Variants in NUDT16 observed in about 807,000 individuals in gnomAD.
NUDT16 encodes nudix hydrolase 16.
A neutral mutation model predicts 11.7 loss-of-function variants in NUDT16; 12 were observed. The observed-to-expected ratio is 1.03, with a 90% CI of 0.66 to 1.67. The LOEUF is 1.67. Ranked by LOEUF, NUDT16 falls within the 40% of genes most tolerant of loss-of-function variation. The pLI, the probability that NUDT16 is intolerant of heterozygous loss-of-function variation, is 0.00. For synonymous variants in NUDT16, 129 were observed against 122.6 expected (o/e 1.05, Z -0.35); for missense variants, 303 against 268.9 (o/e 1.13, Z -0.89).
At position 131,383,681 on chromosome 3, in the gene NUDT16, C is replaced by A; in HGVS notation, c.*340C>A. 1 of 541,640 alleles carries A rather than the reference C, an allele frequency of 1.8e-6. No homozygotes were observed. Among genetic ancestry groups the A allele is most frequent in the Non-Finnish European group, 3.3e-6 (1 of 302,784 alleles). The allele number at this position is 541,640 out of a possible 1,614,324, so 33.6% of individuals were successfully genotyped here. ...TTCCCCTGGTCATGTCCAGTTTAAC[C>A]TTGAAGTGGCATTTGTCACACTACC... On this transcript the variant is annotated 3_prime_UTR_variant, in exon 3 of 3. Coordinates refer to ENST00000521288, the MANE Select transcript of NUDT16 (RefSeq NM_152395.3). The surrounding 1 kb of genome is among the most constrained non-coding windows in gnomAD (Gnocchi z 4.4).
chr3:131,382,512 T>C, intron 2 of NUDT16, 197 bp downstream of exon 2: 1 of 1,536,154 alleles, frequency 6.5e-7, no homozygotes, highest in Non-Finnish European at 8.7e-7. Flanking sequence ...TGTAAAGGTC[T>C]TTCCCACCCT....
intron 2 of NUDT16, chr3:131,382,535 A>C (rs1300782059): frequency 7.2e-6 from 11 of 1,535,958 alleles, no homozygotes; most frequent in Non-Finnish European, 9.6e-6. Flanking sequence ...ACCAGGAGAG[A>C]TCCTTTCTAG....
At chr3:131,381,984 G>A in intron 1 of NUDT16, 42 bp downstream of exon 1, 1 of 1,595,688 alleles carries the variant, frequency 6.3e-7, no homozygotes, top group South Asian at 1.1e-5. Flanking sequence ...CCTGAGCCCC[G>A]CACCCTCTCT....
Position 131,381,923 on chromosome 3 carries a change from C to T in NUDT16, c.119C>T (p.Pro40Leu), listed in dbSNP as rs1403621270. Residue 40 changes from proline to leucine, a missense_variant, in exon 1 of 3, where the codon CCG becomes CTG. By Grantham distance (98) the Pro-to-Leu change is moderately conservative. Transcript: ENST00000521288. ...CCTGGGATGCTCTTCGGCCGCATCC[C>T]GCTGCGCTACGCCATACTGGTGAGA... is the stretch of plus-strand genomic sequence containing the variant. Reference protein sequence around the residue: ...PDPGMLFGRIPLRYAILMQMR... With the variant: ...PDPGMLFGRILLRYAILMQMR... 2 of 1,611,762 alleles carry T rather than the reference C, an allele frequency of 1.2e-6. No homozygotes were observed. The highest frequency in any genetic ancestry group is 1.3e-5 in the African/African-American group (1 of 74,916).
At position 131,383,544 on chromosome 3, in the gene NUDT16, C is replaced by T; in HGVS notation, c.*203C>T. On this transcript the variant is annotated 3_prime_UTR_variant, in exon 3 of 3. Coordinates refer to ENST00000521288, the MANE Select transcript of NUDT16 (RefSeq NM_152395.3). This position sits in a 1 kb window ranked among gnomAD's most constrained non-coding sequence, Gnocchi z 4.4. ...AGGGGCAAAAAGTCACAGCTTATCC[C>T]AGGCACCCTGGCAGGTTCTCAGAGC... 3 of 1,254,966 alleles carry T rather than the reference C, an allele frequency of 2.4e-6. No individual in the cohort carries two copies. The South Asian group carries it at 4.5e-5, about 19-fold the overall frequency. The allele number at this position is 1,254,966 out of a possible 1,614,324, so 77.7% of individuals were successfully genotyped here.
rs921020951 is a variant in NUDT16, at chr3:131,382,588, G to A, written c.408+273G>A. On this transcript the variant is annotated intron_variant, in intron 2 of 2. Coordinates refer to ENST00000521288, the MANE Select transcript of NUDT16 (RefSeq NM_152395.3). ...CTCTCTGCTGTTCCCTATTGACAGTGTGATAGATTATCACATTATCTAGGT... is the reference window on the plus strand; with the variant it reads ...CTCTCTGCTGTTCCCTATTGACAGTATGATAGATTATCACATTATCTAGGT... 1.4e-5 allele frequency: 21 copies of A among 1,520,850 alleles called. No homozygotes were observed. In the African/African-American group the frequency reaches 2.2e-4, roughly 16 times the overall value. 94.2% of individuals were successfully genotyped at this position (1,520,850 alleles called of 1,614,324 possible). A position where few individuals can be genotyped will look rare whatever the true frequency, so the allele number is the denominator to read the frequency against.
chr3:131,382,768 G>A, intron 2 of NUDT16: 5 of 1,266,976 alleles, frequency 3.9e-6, no homozygotes, highest in Admixed American at 3.5e-5. Flanking sequence ...TTAAAATAGC[G>A]ATTTCTCTCA....
In NUDT16 at chr3:131,384,022, T is replaced by A. The variant is rs1388197858; in HGVS notation, c.*681T>A. 6.5e-6 allele frequency: 1 copy of A among 153,316 alleles called. No individual in the cohort carries two copies. The highest frequency in any genetic ancestry group is 2.4e-5 in the African/African-American group (1 of 41,444). The allele number at this position is 153,316 out of a possible 1,614,324, so 9.5% of individuals were successfully genotyped here. A position where few individuals can be genotyped will look rare whatever the true frequency, so the allele number is the denominator to read the frequency against. ...CCTGTGAGGACTGGTGTCTCTCCTCTAGAGCTTTCATCTTTGGGATGCCTG... is the reference window on the plus strand; with the variant it reads ...CCTGTGAGGACTGGTGTCTCTCCTCAAGAGCTTTCATCTTTGGGATGCCTG... On this transcript the variant is annotated 3_prime_UTR_variant, in exon 3 of 3. Transcript: ENST00000521288.
At position 131,381,783 on chromosome 3, in the gene NUDT16, A is replaced by G; in HGVS notation, c.-22A>G. ...CCTCTGCCCATTGGGCCTTCGGGAC[A>G]GCAGAGGAGCAGTGTCCGGCCATGG... On this transcript the variant is annotated 5_prime_UTR_variant, in exon 1 of 3. Transcript: ENST00000521288. 3.9e-6 allele frequency: 6 copies of G among 1,538,484 alleles called. No individual in the cohort carries two copies. Among genetic ancestry groups the G allele is most frequent in the Non-Finnish European group, 4.4e-6 (5 of 1,148,624 alleles).
Position 131,383,289 on chromosome 3 carries a change from G to A in NUDT16, c.536G>A (p.Gly179Glu). The A allele has an allele frequency of 6.2e-7, 1 of 1,614,182 alleles. No individual in the cohort carries two copies. Among genetic ancestry groups the A allele is most frequent in the Non-Finnish European group, 8.5e-7 (1 of 1,180,030 alleles). The change falls in exon 3 of 3, where the codon GGA (glycine) becomes GAA (glutamate). Residue 179 changes from glycine (G) to glutamate (E), a missense_variant. Transcript: ENST00000521288. The surrounding 1 kb of genome is among the most constrained non-coding windows in gnomAD (Gnocchi z 4.4). ...TTACTTGAAGCTCTCCAGGACTTGGGACTGCTGCAGTCTGGCTCTATTTCA... is the reference window on the plus strand; with the variant it reads ...TTACTTGAAGCTCTCCAGGACTTGGAACTGCTGCAGTCTGGCTCTATTTCA... ...EQLLEALQDLGLLQSGSISGL... is the reference protein window; with the variant it reads ...EQLLEALQDLELLQSGSISGL...
At chr3:131,381,693 A>G (rs2097455131), upstream of NUDT16, 2 of 1,218,936 alleles carry the variant, frequency 1.6e-6, no homozygotes, top group Non-Finnish European at 2.2e-6. Flanking sequence ...TCCTCCCCTT[A>G]TCCCTGCAGG....
At chr3:131,382,562 T>C in intron 2 of NUDT16, 1 of 1,535,084 alleles carries the variant, frequency 6.5e-7, no homozygotes, top group Non-Finnish European at 8.7e-7. Flanking sequence ...CTCATCCATG[T>C]CTCTCTGCTG....
chr3:131,382,611 G>C, intron 2 of NUDT16: 1 of 1,491,458 alleles, frequency 6.7e-7, no homozygotes, highest in Non-Finnish European at 8.9e-7. Context: ...ACATTATCTA[G>C]GTGTGGCAAC....
At chr3:131,382,416 T>C in intron 2 of NUDT16, 101 bp downstream of exon 2, 6 of 1,553,180 alleles carry the variant, frequency 3.9e-6, no homozygotes, top group Non-Finnish European at 5.2e-6. Context: ...TTTGCCCCTC[T>C]GACCTTGCCC....
chr3:131,381,970 T>G (rs1375099814), intron 1 of NUDT16, 28 bp downstream of exon 1: 1 of 1,601,970 alleles, frequency 6.2e-7, no homozygotes, highest in South Asian at 1.1e-5. Flanking sequence ...CCGGCCACTT[T>G]CTGCCTGAGC....
In NUDT16 at chr3:131,381,780, G is replaced by C; in HGVS notation, c.-25G>C. 1 of 1,537,612 alleles carries C rather than the reference G, an allele frequency of 6.5e-7. No homozygotes were observed. Among genetic ancestry groups the C allele is most frequent in the Non-Finnish European group, 8.7e-7 (1 of 1,148,188 alleles). ...GCCCCTCTGCCCATTGGGCCTTCGG[G>C]ACAGCAGAGGAGCAGTGTCCGGCCA... On this transcript the variant is annotated 5_prime_UTR_variant, in exon 1 of 3. Coordinates refer to ENST00000521288, the MANE Select transcript of NUDT16 (RefSeq NM_152395.3).
Position 131,382,174 on chromosome 3 carries a change from C to T in NUDT16, c.267C>T (p.Arg89=), listed in dbSNP as rs1201522137. The T allele has an allele frequency of 1.6e-5, 25 of 1,612,110 alleles. No individual in the cohort carries two copies. The highest frequency in any genetic ancestry group is 2.1e-5 in the Non-Finnish European group (25 of 1,179,462). ...TGGGCGAAGCGGCTGCCGCTTTCCGCGTGGAGCGCACTGACTACCGCAGCT... is the reference window on the plus strand; with the variant it reads ...TGGGCGAAGCGGCTGCCGCTTTCCGTGTGGAGCGCACTGACTACCGCAGCT... ...EELGEAAAAF[R]VERTDYRSSH... The change falls in exon 2 of 3, where the codon CGC becomes CGT. Residue 89 remains arginine (R), a synonymous_variant. Coordinates refer to ENST00000521288, the MANE Select transcript of NUDT16 (RefSeq NM_152395.3).
At chr3:131,382,514 T>C (rs545204135) in intron 2 of NUDT16, 199 bp downstream of exon 2, 4 of 1,536,156 alleles carry the variant, frequency 2.6e-6, no homozygotes, top group Non-Finnish European at 3.5e-6. Context: ...TAAAGGTCTT[T>C]CCCACCCTTT....
At chr3:131,382,699 A>G (rs1393651186) in intron 2 of NUDT16, 19 of 1,427,182 alleles carry the variant, frequency 1.3e-5, no homozygotes, top group Non-Finnish European at 1.7e-5. Flanking sequence ...TAGTAGATAG[A>G]TTATGTATGA....
Sources: gnomAD v4.1 joint callset for allele counts on GRCh38, gnomAD v4.1.1 for gene constraint, Gnocchi (gnomAD v3.1) non-coding constraint, MANE v1.5 for transcripts, NCBI Gene and HGNC (gene_info 2026-07-23, HGNC 2026-07-21) for gene names.